The following FGF13 variants were observed in gnomAD, a reference collection of about 807,000 sequenced individuals.
The protein encoded by FGF13 is fibroblast growth factor homologous factor 2.
In FGF13, 2 loss-of-function variants were observed where a neutral mutation model predicts 19.5. That is an observed-to-expected ratio of 0.10 (90% CI 0.04 to 0.32). The LOEUF is 0.32. FGF13 is among the 10% of genes least tolerant of loss of function. The pLI, the probability that FGF13 is intolerant of heterozygous loss-of-function variation, is 1.00. For missense variants in FGF13, 113 were observed against 192.7 expected (o/e 0.59, Z 2.45); for synonymous variants, 72 against 76.9 (o/e 0.94, Z 0.33).
chrX:138,803,280 C>T (rs1199740476), intron 3 of FGF13, among the ~76,000 whole-genome samples: 1 of 112,190 alleles, frequency 8.9e-6, no homozygotes, highest in Non-Finnish European at 1.9e-5. Context: ...ATTGCTACTG[C>T]TGAAAGCACG....
intron 1 of FGF13, among the ~76,000 whole-genome samples, chrX:138,964,342 A>G (rs1300341625): frequency 8.9e-6 from 1 of 111,792 alleles, no homozygotes; most frequent in East Asian, 2.8e-4. Context: ...CTATTTTTCT[A>G]TGTCCTGCAA....
chrX:139,019,430 T>C (rs1449607453), intron 1 of FGF13, among the ~76,000 whole-genome samples: 1 of 110,495 alleles, frequency 9.1e-6, no homozygotes, highest in Non-Finnish European at 1.9e-5. Flanking sequence ...GAGAGGCACA[T>C]TAAGTAAAAG....
At chrX:138,646,759 C>G (rs1250195145) in intron 3 of FGF13, among the ~76,000 whole-genome samples, 1 of 111,339 alleles carries the variant, frequency 9.0e-6, no homozygotes, top group African/African-American at 3.3e-5. Context: ...GGTACAGACG[C>G]AGGTAACACA....
At chrX:139,054,223 C>T (rs975436456) in intron 1 of FGF13, among the ~76,000 whole-genome samples, 16 of 103,936 alleles carry the variant, frequency 1.5e-4, no homozygotes, top group African/African-American at 4.6e-4. Context: ...CCCGGGTTCA[C>T]GCCATTCTCC....
At chrX:138,723,554 C>T (rs757057539) in intron 1 of FGF13, among the ~76,000 whole-genome samples, 37 of 111,265 alleles carry the variant, frequency 3.3e-4, no homozygotes, top group Non-Finnish European at 6.0e-4. Flanking sequence ...CTAATCTCAC[C>T]GGTTGGCGAT....
At chrX:138,787,061 C>A (rs1464343182) in intron 3 of FGF13, among the ~76,000 whole-genome samples, 1 of 112,777 alleles carries the variant, frequency 8.9e-6, no homozygotes, top group African/African-American at 3.2e-5. Flanking sequence ...TACTAGTTTA[C>A]AATTTGCAAC....
At chrX:139,002,926 C>CT (rs1257258641) in intron 1 of FGF13, among the ~76,000 whole-genome samples, 1 of 111,980 alleles carries the variant, frequency 8.9e-6, no homozygotes, top group East Asian at 2.8e-4. Context: ...GACTTATTGA[C>CT]TTCAGGTAAT....
chrX:139,050,895 G>C (rs1423773751), intron 1 of FGF13, among the ~76,000 whole-genome samples: 1 of 111,616 alleles, frequency 9.0e-6, no homozygotes, highest in Admixed American at 9.5e-5. Context: ...CCTCCTCTCT[G>C]GTTCTTCCTC....
At chrX:138,791,410 G>A (rs1195368640) in intron 3 of FGF13, among the ~76,000 whole-genome samples, 1 of 112,222 alleles carries the variant, frequency 8.9e-6, no homozygotes, top group African/African-American at 3.2e-5. Context: ...AAACCAAAAA[G>A]TTGTGCTTCC....
intron 1 of FGF13, among the ~76,000 whole-genome samples, chrX:138,984,567 AAGAAGAAGAAGAAGAAGAAGAAGGAGG>A (rs1417461273): frequency 3.0e-4 from 15 of 50,662 alleles, no homozygotes; most frequent in African/African-American, 9.5e-4. Context: ...GAAGAAGAAG[AAGAAGAAGAAGAAGAAGAAGAAGGAGG>A]AGGAGGAGGA....
intron 3 of FGF13, among the ~76,000 whole-genome samples, chrX:138,780,128 A>G (rs1366589386): frequency 9.1e-6 from 1 of 109,502 alleles, no homozygotes; most frequent in African/African-American, 3.3e-5. Flanking sequence ...AGATTTTGTC[A>G]CCACCAGGCC....
chrX:138,698,350 C>A (rs2089915412), intron 3 of FGF13, among the ~76,000 whole-genome samples: 1 of 110,534 alleles, frequency 9.0e-6, no homozygotes, highest in African/African-American at 3.3e-5. Flanking sequence ...AGTAGAAATG[C>A]AAAAGAAGGT....
intron 1 of FGF13, among the ~76,000 whole-genome samples, chrX:139,121,002 A>G (rs1298416350): frequency 8.9e-6 from 1 of 112,831 alleles, no homozygotes; most frequent in African/African-American, 3.2e-5. Context: ...CTCTGCTGAC[A>G]AGTAAGGATG....
At chrX:138,733,276 G>T (rs1471807578) in intron 1 of FGF13, among the ~76,000 whole-genome samples, 1 of 111,371 alleles carries the variant, frequency 9.0e-6, no homozygotes, top group Non-Finnish European at 1.9e-5. Context: ...ATTTATACAT[G>T]AATTATCAAT....
chrX:138,977,658 G>C (rs986300822), intron 1 of FGF13, among the ~76,000 whole-genome samples: 1 of 111,815 alleles, frequency 8.9e-6, no homozygotes, highest in Non-Finnish European at 1.9e-5. Context: ...TGGCTGAGGA[G>C]CCTGGCTTTA....
chrX:138,912,968 G>A (rs2091596172), intron 1 of FGF13, among the ~76,000 whole-genome samples: 1 of 110,676 alleles, frequency 9.0e-6, no homozygotes, highest in Non-Finnish European at 1.9e-5. Flanking sequence ...TCAAAGCCAG[G>A]TTTTCACTCT....
chrX:138,797,778 G>A (rs1411134164), intron 3 of FGF13, among the ~76,000 whole-genome samples: 5 of 111,101 alleles, frequency 4.5e-5, no homozygotes, highest in African/African-American at 1.6e-4. Context: ...GGTCCTTCAT[G>A]TACCTTGTAA....
At chrX:138,836,585 G>A (rs767445039) in intron 3 of FGF13, among the ~76,000 whole-genome samples, 11 of 111,489 alleles carry the variant, frequency 9.9e-5, no homozygotes, top group Non-Finnish European at 1.5e-4. Context: ...TGTCAGCTCC[G>A]GCAATGCTTT....
intron 3 of FGF13, among the ~76,000 whole-genome samples, chrX:138,809,974 C>T (rs984292341): frequency 2.7e-5 from 3 of 111,815 alleles, no homozygotes; most frequent in African/African-American, 9.7e-5. Context: ...ACATCCCATG[C>T]TCATGGATAG....
Sources: gnomAD v4.1 joint callset for allele counts (sites outside exome capture counted in the v4.1 genomes callset) on GRCh38, gnomAD v4.1.1 for gene constraint, MANE v1.5 for transcripts, NCBI Gene and HGNC (gene_info 2026-07-23, HGNC 2026-07-21) for gene names.